CILK1: variants seen among roughly 807,000 people sequenced by gnomAD.
CILK1 encodes ciliogenesis associated kinase 1.
In CILK1, 47 loss-of-function variants were observed where a neutral mutation model predicts 79.2. That is an observed-to-expected ratio of 0.59 (90% CI 0.47 to 0.76). CILK1 has a LOEUF of 0.76. Among genes scored for constraint, CILK1 ranks in the 30% least tolerant of loss-of-function variants. The pLI, the probability that CILK1 is intolerant of heterozygous loss-of-function variation, is 0.00. For synonymous variants in CILK1, 266 were observed against 275.9 expected (o/e 0.96, Z 0.36); for missense variants, 660 against 769.5 (o/e 0.86, Z 1.68).
intron 1 of CILK1, among the ~76,000 whole-genome samples, chr6:53,044,153 G>C (rs1766899700): frequency 6.6e-6 from 1 of 152,212 alleles, no homozygotes; most frequent in Non-Finnish European, 1.5e-5. Flanking sequence ...CAAACCCAGG[G>C]CTGTAAACCA....
At position 53,005,011 on chromosome 6, in the gene CILK1, T is replaced by G; in HGVS notation, c.*138A>C. 1.1e-6 allele frequency: 1 copy of G among 926,198 alleles called. No homozygotes were observed. Among genetic ancestry groups the G allele is most frequent in the East Asian group, 2.5e-5 (1 of 40,700 alleles). The allele number at this position is 926,198 out of a possible 1,614,324, so 57.4% of individuals were successfully genotyped here. A position where few individuals can be genotyped will look rare whatever the true frequency, so the allele number is the denominator to read the frequency against. ...AAAACTTTAAAAAAGAATATTGACA[T>G]GTCTTAGTTCAGAAGAATAACTATA... On this transcript the variant is annotated 3_prime_UTR_variant, in exon 14 of 14. Transcript: ENST00000676107.
chr6:53,036,105 A>G (rs1333262099), intron 3 of CILK1, among the ~76,000 whole-genome samples: 2 of 152,254 alleles, frequency 1.3e-5, no homozygotes, highest in South Asian at 2.1e-4. Context: ...TTCCTAAGAC[A>G]CTATGTGCCC....
chr6:53,036,916 T>C (rs1581735137), intron 3 of CILK1, among the ~76,000 whole-genome samples: 1 of 152,152 alleles, frequency 6.6e-6, no homozygotes. Flanking sequence ...AAAAATTTTA[T>C]GGAAATTTGT....
rs1265464843 is a variant in CILK1 at position 53,004,940 on chromosome 6, A to C, written c.*209T>G. 8 of 509,168 alleles carry C rather than the reference A, an allele frequency of 1.6e-5. No individual in the cohort carries two copies. The East Asian group carries it at 2.6e-4, about 17-fold the overall frequency. 31.5% of individuals were successfully genotyped at this position (509,168 alleles called of 1,614,324 possible). Reference sequence around the variant, plus strand: ...TGGGACCCAGTTTTAGAATAAAATAATTTTATACAAAAAAGCCTACTGCAT... The same window carrying C: ...TGGGACCCAGTTTTAGAATAAAATACTTTTATACAAAAAAGCCTACTGCAT... On this transcript the variant is annotated 3_prime_UTR_variant, in exon 14 of 14. Coordinates refer to ENST00000676107, the MANE Select transcript of CILK1 (RefSeq NM_014920.5).
intron 1 of CILK1, among the ~76,000 whole-genome samples, chr6:53,053,871 T>C (rs1337015113): frequency 1.3e-5 from 2 of 152,090 alleles, no homozygotes; most frequent in African/African-American, 4.8e-5. Context: ...CCTCGGGGCA[T>C]CTCTTGGTCC....
chr6:53,017,509 G>A (rs1376799162), intron 7 of CILK1, among the ~76,000 whole-genome samples: 1 of 152,176 alleles, frequency 6.6e-6, no homozygotes, highest in East Asian at 1.9e-4. Context: ...TGAAGTGAGC[G>A]ATAGGAATAG....
In CILK1 at chr6:53,012,111, G is replaced by C; in HGVS notation, c.1269C>G (p.Asp423Glu). The C allele has an allele frequency of 6.2e-7, 1 of 1,614,182 alleles. No homozygotes were observed. Among genetic ancestry groups the C allele is most frequent in the Admixed American group, 1.7e-5 (1 of 60,026 alleles). The stretch of plus-strand genomic sequence containing the variant: ...TGCTGAGGGATGGACTGAAATCCAA[G>C]TCATCCAAGTCAGCCCAATCATCTG... Reference protein sequence around the residue: ...KDSDDWADLDDLDFSPSLSRI... With the variant: ...KDSDDWADLDELDFSPSLSRI... Residue 423 changes from aspartate to glutamate, a missense_variant, in exon 10 of 14, where the codon GAC becomes GAG. Coordinates refer to ENST00000676107, the MANE Select transcript of CILK1 (RefSeq NM_014920.5).
Position 53,006,417 on chromosome 6 carries a change from A to G in CILK1, c.1642T>C (p.Ser548Pro), listed in dbSNP as rs1033911325. The G allele has an allele frequency of 6.2e-7, 1 of 1,613,870 alleles. No individual in the cohort carries two copies. Among genetic ancestry groups the G allele is most frequent in the African/African-American group, 1.3e-5 (1 of 74,944 alleles). ...ACATAGTTTCCAGTCAGTCCACTAG[A>G]ACTTGTAGAGCTGGAACCAACTGAT... ...VNSVGSSSTS[S>P]SGLTGNYVPS... Residue 548 changes from serine (S) to proline (P), a missense_variant, in exon 13 of 14, where the codon TCT (serine) becomes CCT (proline). Physicochemically the swap from Ser to Pro is moderately conservative, Grantham distance 74 (BLOSUM62 -1). Coordinates refer to ENST00000676107, the MANE Select transcript of CILK1 (RefSeq NM_014920.5).
At chr6:53,050,681 G>A (rs1317506953) in intron 1 of CILK1, among the ~76,000 whole-genome samples, 1 of 151,564 alleles carries the variant, frequency 6.6e-6, no homozygotes, top group Non-Finnish European at 1.5e-5. Context: ...AAAATTAGCT[G>A]GGCTTGGTGG....
chr6:53,022,853 T>C lies in CILK1; in HGVS notation c.359-3494A>G, dbSNP rs143050651. Among the ~76,000 whole-genome samples, 325 of 152,278 alleles carry C rather than the reference T, an allele frequency of 2.1e-3. 1 individual carries two copies. The highest frequency in any genetic ancestry group is 6.8e-3 in the Middle Eastern group (2 of 294). ...TTCTAAGGATTCAGAAACAATGCAA[T>C]GGACATGACTCTTGCCCTCATGGAC... On this transcript the variant is annotated intron_variant, in intron 5 of 13. Transcript: ENST00000676107.
chr6:53,022,995 A>ACAAT (rs925323130), intron 5 of CILK1, among the ~76,000 whole-genome samples: 10 of 150,580 alleles, frequency 6.6e-5, no homozygotes, highest in Admixed American at 1.3e-4. Flanking sequence ...GTGCAGTGGC[A>ACAAT]CAATCTCAGC....
At chr6:53,031,863 C>T (rs374013736) in intron 4 of CILK1, among the ~76,000 whole-genome samples, 7 of 151,764 alleles carry the variant, frequency 4.6e-5, no homozygotes, top group South Asian at 4.1e-4. Context: ...GATGGAGTTT[C>T]GCCGTTGTTG....
chr6:53,018,752 A>G (rs1174742880), intron 6 of CILK1, among the ~76,000 whole-genome samples: 1 of 152,242 alleles, frequency 6.6e-6, no homozygotes, highest in Non-Finnish European at 1.5e-5. Context: ...TGAGAAACAC[A>G]GAGAAAGTAA....
rs553390453 is a variant in CILK1, at chr6:53,002,745, C to G, written c.*2404G>C. On this transcript the variant is annotated 3_prime_UTR_variant, in exon 14 of 14. Transcript: ENST00000676107. The stretch of plus-strand genomic sequence containing the variant: ...TTGGCTTCCCCAGGGAAGTTGCTTG[C>G]TGGTAAACAAACGAAAGCATAAAAA... 6.6e-6 allele frequency: 1 copy of G among 152,250 alleles called. No individual in the cohort carries two copies. The highest frequency in any genetic ancestry group is 1.9e-4 in the East Asian group (1 of 5,174). 9.4% of individuals were successfully genotyped at this position (152,250 alleles called of 1,614,324 possible). A position where few individuals can be genotyped will look rare whatever the true frequency, so the allele number is the denominator to read the frequency against.
chr6:53,047,217 AT>A (rs1287121990), intron 1 of CILK1, among the ~76,000 whole-genome samples: 1 of 152,164 alleles, frequency 6.6e-6, no homozygotes, highest in African/African-American at 2.4e-5. Context: ...ATGGAGGGCG[AT>A]GGGGCAAATT....
Position 53,019,151 on chromosome 6 carries a change from T to G in CILK1, c.491+76A>C, listed in dbSNP as rs1765067682. ...TTAGTGAAAAGTTAACATTTGTGAC[T>G]TTAATATTATCCTTAGCATAATGAT... is the stretch of plus-strand genomic sequence containing the variant. On this transcript the variant is annotated intron_variant, in intron 6 of 13. Transcript: ENST00000676107. 1.8e-5 allele frequency: 25 copies of G among 1,412,724 alleles called. 1 individual carries two copies. The South Asian group carries it at 2.8e-4, about 16-fold the overall frequency. 87.5% of individuals were successfully genotyped at this position (1,412,724 alleles called of 1,614,324 possible).
At chr6:53,033,129 T>C (rs1766079312) in intron 3 of CILK1, among the ~76,000 whole-genome samples, 1 of 152,252 alleles carries the variant, frequency 6.6e-6, no homozygotes, top group Non-Finnish European at 1.5e-5. Context: ...CCTGCTTCTC[T>C]TGACTTTTGT....
chr6:53,005,449 A>G, intron 13 of CILK1, 146 bp from the exon 14 acceptor site: 4 of 904,414 alleles, frequency 4.4e-6, no homozygotes, highest in East Asian at 2.6e-5. Context: ...TCTCTACTGC[A>G]GTTAAAGACA....
intron 3 of CILK1, among the ~76,000 whole-genome samples, chr6:53,036,583 T>C (rs1024968139): frequency 6.6e-6 from 1 of 152,104 alleles, no homozygotes; most frequent in African/African-American, 2.4e-5. Context: ...ACCTGGCTAA[T>C]TTTTGTATTT....
Sources: gnomAD v4.1 joint callset for allele counts (sites outside exome capture counted in the v4.1 genomes callset) on GRCh38, gnomAD v4.1.1 for gene constraint, MANE v1.5 for transcripts, NCBI Gene and HGNC (gene_info 2026-07-23, HGNC 2026-07-21) for gene names.